SAMMSON: variants seen among roughly 807,000 people sequenced by gnomAD.
The protein encoded by SAMMSON is survival associated mitochondrial melanoma specific oncogenic non-coding RNA.
chr3:70,001,164 C>T (rs1187362577), intron 1 of SAMMSON, among the ~76,000 whole-genome samples: 1 of 151,922 alleles, frequency 6.6e-6, no homozygotes, highest in East Asian at 1.9e-4. Flanking sequence ...GTTGAGCCCC[C>T]TAAAAATATG....
intron 9 of SAMMSON, among the ~76,000 whole-genome samples, chr3:70,361,843 G>A (rs1053212014): frequency 6.6e-6 from 1 of 152,164 alleles, no homozygotes; most frequent in Admixed American, 6.6e-5. Context: ...AGATCAAAGA[G>A]CAAGAACATA....
chr3:70,307,834 T>A (rs1702416896), intron 7 of SAMMSON, among the ~76,000 whole-genome samples: 1 of 152,134 alleles, frequency 6.6e-6, no homozygotes, highest in East Asian at 1.9e-4. Flanking sequence ...CTCAATCGGT[T>A]TTCTCACTTC....
intron 7 of SAMMSON, among the ~76,000 whole-genome samples, chr3:70,335,195 G>A (rs1469972996): frequency 6.6e-6 from 1 of 152,062 alleles, no homozygotes; most frequent in Non-Finnish European, 1.5e-5. Context: ...CACCTGGTGG[G>A]TATATTTCAT....
At chr3:70,304,846 G>T (rs1702384880) in intron 7 of SAMMSON, among the ~76,000 whole-genome samples, 2 of 152,060 alleles carry the variant, frequency 1.3e-5, no homozygotes, top group Admixed American at 1.3e-4. Flanking sequence ...GACCAACAAG[G>T]TTCTGCATTA....
rs192923772 is a variant in SAMMSON, at chr3:70,280,860, C to T, written n.675-10319C>T. Among the ~76,000 whole-genome samples, 58 of 152,240 alleles carry T rather than the reference C, an allele frequency of 3.8e-4. 1 individual carries two copies. In the East Asian group the frequency reaches 3.9e-3, roughly 10 times the overall value. On this transcript the variant is annotated intron_variant and non_coding_transcript_variant, in intron 6 of 9. Transcript: ENST00000642114. ...CTGCCCCACACCCAGAAGGAAGGGA[C>T]GCTGCACAGAAAGTCCAAGAAGAAT...
At chr3:70,143,922 T>C (rs1428181319) in intron 4 of SAMMSON, among the ~76,000 whole-genome samples, 3 of 152,146 alleles carry the variant, frequency 2.0e-5, no homozygotes, top group African/African-American at 7.2e-5. Context: ...TTGTTTATTA[T>C]TATTTGTAGA....
chr3:70,200,217 G>A (rs993940259), intron 4 of SAMMSON, among the ~76,000 whole-genome samples: 13 of 152,132 alleles, frequency 8.5e-5, no homozygotes, highest in African/African-American at 3.1e-4. Context: ...TCCTGGCAAG[G>A]ACACTCTGCT....
intron 4 of SAMMSON, among the ~76,000 whole-genome samples, chr3:70,176,723 T>C (rs1361844889): frequency 2.0e-5 from 3 of 152,208 alleles, no homozygotes; most frequent in Non-Finnish European, 4.4e-5. Context: ...AAGATAAGAC[T>C]AGGTGTTCAA....
intron 2 of SAMMSON, among the ~76,000 whole-genome samples, chr3:70,420,313 A>C (rs1307905461): frequency 6.6e-6 from 1 of 152,168 alleles, no homozygotes; most frequent in South Asian, 2.1e-4. Context: ...ACTCACCACA[A>C]AGTCAAAGGA....
intron 7 of SAMMSON, among the ~76,000 whole-genome samples, chr3:70,343,550 A>T (rs1702727844): frequency 1.3e-5 from 2 of 152,206 alleles, no homozygotes; most frequent in African/African-American, 4.8e-5. Flanking sequence ...CCACAGAGGC[A>T]CAGTGTGATT....
In SAMMSON at chr3:70,076,404, T is replaced by C. The variant is rs540753551; in HGVS notation, n.507+4839T>C. Reference sequence around the variant, plus strand: ...AAACAGTATTTTTACACTTTGTTCATTTCATATTTATCACTAGCTTGTTTG... The same window carrying C: ...AAACAGTATTTTTACACTTTGTTCACTTCATATTTATCACTAGCTTGTTTG... On this transcript the variant is annotated intron_variant and non_coding_transcript_variant, in intron 4 of 9. Coordinates refer to ENST00000642114, the Ensembl canonical transcript of SAMMSON. 6.6e-5 allele frequency among the ~76,000 whole-genome samples: 10 copies of C among 152,318 alleles called. No homozygotes were observed. The South Asian group carries it at 2.1e-3, about 32-fold the overall frequency.
intron 8 of SAMMSON, among the ~76,000 whole-genome samples, chr3:70,355,273 T>C (rs1261545799): frequency 6.6e-6 from 1 of 152,058 alleles, no homozygotes; most frequent in Non-Finnish European, 1.5e-5. Flanking sequence ...CACACATTCT[T>C]ACATACAAAT....
intron 4 of SAMMSON, chr3:70,120,235 G>T (rs1405504546): frequency 6.6e-6 from 1 of 152,158 alleles, no homozygotes; most frequent in Non-Finnish European, 1.5e-5. Context: ...CACTTGTCAC[G>T]AGAGACACTT....
intron 4 of SAMMSON, chr3:70,197,163 G>A (rs1381437262): frequency 2.0e-5 from 8 of 398,330 alleles, no homozygotes; most frequent in East Asian, 3.6e-5. Context: ...ACAGACAGGC[G>A]AGGATAAGGG....
chr3:70,039,885 GC>G (rs773574001), intron 3 of SAMMSON, among the ~76,000 whole-genome samples: 2 of 152,120 alleles, frequency 1.3e-5, no homozygotes, highest in Non-Finnish European at 2.9e-5. Context: ...CTTGAAGAAT[GC>G]TAGAGGAATA....
chr3:70,199,689 A>G (rs966942269), intron 4 of SAMMSON, among the ~76,000 whole-genome samples: 2 of 152,126 alleles, frequency 1.3e-5, no homozygotes, highest in Non-Finnish European at 1.5e-5. Context: ...TTCAGGGGAA[A>G]ATTTGCAACT....
chr3:70,036,663 T>A (rs2067086265), intron 3 of SAMMSON, among the ~76,000 whole-genome samples: 2 of 152,136 alleles, frequency 1.3e-5, no homozygotes, highest in African/African-American at 4.8e-5. Context: ...ACCTGTCTCA[T>A]AATGAATTCA....
At chr3:70,225,735 G>A (rs1359720016) in intron 4 of SAMMSON, among the ~76,000 whole-genome samples, 1 of 152,114 alleles carries the variant, frequency 6.6e-6, no homozygotes, top group East Asian at 1.9e-4. Context: ...ACGATAGTTT[G>A]GTGATAAGAA....
At chr3:70,232,397 T>A (rs956108169) in intron 4 of SAMMSON, among the ~76,000 whole-genome samples, 1 of 146,840 alleles carries the variant, frequency 6.8e-6, no homozygotes, top group Non-Finnish European at 1.5e-5. Flanking sequence ...ACAATGATGA[T>A]GTTCCTATTT....
Sources: allele counts gnomAD v4.1 joint callset (sites outside exome capture counted in the v4.1 genomes callset), GRCh38; gene constraint gnomAD v4.1.1; transcripts MANE v1.5; gene names NCBI Gene and HGNC (gene_info 2026-07-23, HGNC 2026-07-21).